The following PARM1 variants were observed in gnomAD, a reference collection of about 807,000 sequenced individuals.
The protein encoded by PARM1 is WSC4, cell wall integrity and stress response component 4 homolog.
PARM1 carries 14 observed loss-of-function variants against 24.6 expected under a neutral mutation model. That is an observed-to-expected ratio of 0.57 (90% CI 0.38 to 0.89). PARM1 has a LOEUF of 0.89. Ranked by LOEUF, PARM1 falls within the 40% of genes least tolerant of loss-of-function variation. The probability of loss-of-function intolerance (pLI) is 0.00; values close to 1 mark genes in which losing one functional copy is unlikely to be tolerated. For synonymous variants in PARM1, 179 were observed against 156.6 expected (o/e 1.14, Z -1.07); for missense variants, 362 against 380.4 (o/e 0.95, Z 0.40).
At position 75,032,979 on chromosome 4, in the gene PARM1, T is replaced by C. The variant is rs886362188; in HGVS notation, c.770-904T>C. On this transcript the variant is annotated intron_variant, in intron 2 of 3. Coordinates refer to ENST00000307428, the MANE Select transcript of PARM1 (RefSeq NM_015393.4). The stretch of plus-strand genomic sequence containing the variant: ...TTTAAGGTGAAATGAAACTAAAGTA[T>C]ATTCATTATTAATGCAAAGCTCACA... Among the ~76,000 whole-genome samples the C allele has an allele frequency of 2.0e-5, 3 of 152,206 alleles. No individual in the cohort carries two copies. In the East Asian group the frequency reaches 5.8e-4, roughly 29 times the overall value.
chr4:74,947,793 G>A (rs1322777171), intron 1 of PARM1, among the ~76,000 whole-genome samples: 1 of 152,176 alleles, frequency 6.6e-6, no homozygotes, highest in Non-Finnish European at 1.5e-5. Flanking sequence ...CTCCTCCTTT[G>A]CAGATGATTA....
At chr4:74,943,155 T>C (rs898529945) in intron 1 of PARM1, among the ~76,000 whole-genome samples, 46 of 152,328 alleles carry the variant, frequency 3.0e-4, no homozygotes, top group African/African-American at 1.1e-3. Flanking sequence ...TCTGTTCCAC[T>C]TGCCAACACC....
chr4:75,007,069 T>C (rs1425247788), intron 1 of PARM1, among the ~76,000 whole-genome samples: 3 of 152,142 alleles, frequency 2.0e-5, no homozygotes, highest in Non-Finnish European at 4.4e-5. Flanking sequence ...GCGAAGGATA[T>C]GAACAGACAC....
At chr4:74,998,267 A>C (rs1722612803) in intron 1 of PARM1, among the ~76,000 whole-genome samples, 1 of 152,188 alleles carries the variant, frequency 6.6e-6, no homozygotes, top group African/African-American at 2.4e-5. Context: ...GTGTGTACCC[A>C]AGTAGTGATT....
At chr4:74,973,920 A>G (rs1006124970) in intron 1 of PARM1, among the ~76,000 whole-genome samples, 4 of 152,084 alleles carry the variant, frequency 2.6e-5, no homozygotes, top group Admixed American at 6.5e-5. Context: ...AGAGAGATTT[A>G]TTGTAAAGAA....
At chr4:74,990,564 A>T (rs1722447749) in intron 1 of PARM1, among the ~76,000 whole-genome samples, 1 of 152,170 alleles carries the variant, frequency 6.6e-6, no homozygotes, top group South Asian at 2.1e-4. Flanking sequence ...GATCCAAGAG[A>T]CGAGAACTTA....
intron 1 of PARM1, among the ~76,000 whole-genome samples, chr4:75,001,426 G>A (rs528558006): frequency 1.8e-4 from 27 of 152,316 alleles, no homozygotes; most frequent in African/African-American, 6.5e-4. Flanking sequence ...CTAATCTGTT[G>A]TGTAAAGTCA....
At chr4:75,023,216 T>C (rs1012632811) in intron 2 of PARM1, among the ~76,000 whole-genome samples, 2 of 152,244 alleles carry the variant, frequency 1.3e-5, no homozygotes, top group African/African-American at 2.4e-5. Context: ...GCACAAGCTT[T>C]GGCCTCAGAC....
At chr4:75,019,731 C>T (rs902322223) in intron 2 of PARM1, among the ~76,000 whole-genome samples, 2 of 152,086 alleles carry the variant, frequency 1.3e-5, no homozygotes, top group African/African-American at 2.4e-5. Flanking sequence ...CGCCCGGGCG[C>T]GGTGGCTCAC....
At chr4:74,985,523 C>T (rs982097467) in intron 1 of PARM1, among the ~76,000 whole-genome samples, 5 of 152,206 alleles carry the variant, frequency 3.3e-5, no homozygotes, top group South Asian at 4.1e-4. Flanking sequence ...AATTGAGGTT[C>T]GGTGAAAGGG....
chr4:75,042,266 G>C (rs910743316), intron 3 of PARM1, among the ~76,000 whole-genome samples: 28 of 152,288 alleles, frequency 1.8e-4, no homozygotes, highest in Non-Finnish European at 3.1e-4. Flanking sequence ...GACATAGTCT[G>C]CCCTCAAGAA....
At chr4:74,953,027 CA>C (rs1467116668) in intron 1 of PARM1, among the ~76,000 whole-genome samples, 1 of 152,194 alleles carries the variant, frequency 6.6e-6, no homozygotes, top group Non-Finnish European at 1.5e-5. Flanking sequence ...TCCCTCCCCA[CA>C]AAAGGTAAGA....
In PARM1 at chr4:75,040,563, C is replaced by T. The variant is rs944357280; in HGVS notation, c.849-5600C>T. On this transcript the variant is annotated intron_variant, in intron 3 of 3. Transcript: ENST00000307428. ...ACTCACTCTGCCACTAACTTGCTGT[C>T]GTAACTTTGGGTGAATAAAATAAAT... is the stretch of plus-strand genomic sequence containing the variant. Among the ~76,000 whole-genome samples, 9 of 152,116 alleles carry T rather than the reference C, an allele frequency of 5.9e-5. No individual in the cohort carries two copies. The South Asian group carries it at 6.2e-4, about 11-fold the overall frequency.
chr4:75,020,028 A>G lies in PARM1; in HGVS notation c.769+6878A>G, dbSNP rs1322810858. On this transcript the variant is annotated intron_variant, in intron 2 of 3. Coordinates refer to ENST00000307428, the MANE Select transcript of PARM1 (RefSeq NM_015393.4). The stretch of plus-strand genomic sequence containing the variant: ...CCGTCTCAAAAAAAAAAAAAAAAAA[A>G]AAAAAAAAAGAAAATTTCAGAAGCG... 6.0e-5 allele frequency among the ~76,000 whole-genome samples: 8 copies of G among 133,040 alleles called. No individual in the cohort carries two copies. In the South Asian group the frequency reaches 1.0e-3, roughly 17 times the overall value. The allele number at this position is 133,040 out of a possible 152,430, so 87.3% of individuals were successfully genotyped here.
intron 1 of PARM1, among the ~76,000 whole-genome samples, chr4:74,981,196 T>G (rs974807823): frequency 3.3e-5 from 5 of 152,176 alleles, no homozygotes; most frequent in Non-Finnish European, 7.3e-5. Context: ...TGGGAGAACA[T>G]TTTTGCAATC....
intron 1 of PARM1, among the ~76,000 whole-genome samples, chr4:74,979,563 A>C (rs1722206376): frequency 6.6e-6 from 1 of 152,164 alleles, no homozygotes; most frequent in Non-Finnish European, 1.5e-5. Flanking sequence ...TTCTACTGAA[A>C]CTATACCAAA....
At chr4:75,018,163 C>G (rs1723023834) in intron 2 of PARM1, among the ~76,000 whole-genome samples, 1 of 152,212 alleles carries the variant, frequency 6.6e-6, no homozygotes, top group Non-Finnish European at 1.5e-5. Flanking sequence ...AATACAGTCA[C>G]TTCACTCATG....
chr4:74,966,032 TG>T (rs1176575137), intron 1 of PARM1, among the ~76,000 whole-genome samples: 4 of 152,166 alleles, frequency 2.6e-5, no homozygotes, highest in Non-Finnish European at 5.9e-5. Context: ...TGGGAATAAG[TG>T]GGTGAGGGAG....
Position 75,012,872 on chromosome 4 carries a change from C to T in PARM1, c.491C>T (p.Ser164Leu). ...TCATCACCCTCATCCCTATCAACCT[C>T]ACCACCTGAGGTCTTTTCTGCCTCC... ...PASSPSSLSTSPPEVFSASVT... is the reference protein window; with the variant it reads ...PASSPSSLSTLPPEVFSASVT... Residue 164 changes from serine to leucine, a missense_variant, in exon 2 of 4, where the codon TCA becomes TTA. Coordinates refer to ENST00000307428, the MANE Select transcript of PARM1 (RefSeq NM_015393.4). 6.2e-7 allele frequency: 1 copy of T among 1,613,988 alleles called. No individual in the cohort carries two copies. Among genetic ancestry groups the T allele is most frequent in the Non-Finnish European group, 8.5e-7 (1 of 1,179,886 alleles).
Sources: gnomAD v4.1 joint callset for allele counts (sites outside exome capture counted in the v4.1 genomes callset) on GRCh38, gnomAD v4.1.1 for gene constraint, MANE v1.5 for transcripts, NCBI Gene and HGNC (gene_info 2026-07-23, HGNC 2026-07-21) for gene names.